QKI: variants seen among roughly 807,000 people sequenced by gnomAD.
The protein encoded by QKI is KH domain-containing RNA-binding protein QKI.
Under a neutral mutation model 39.0 loss-of-function variants are expected in QKI, and 10 were observed. That is an observed-to-expected ratio of 0.26 (90% CI 0.16 to 0.43). The LOEUF is 0.43. QKI is among the 20% of genes least tolerant of loss of function. QKI has a pLI of 1.00. For missense variants in QKI, 218 were observed against 428.0 expected (o/e 0.51, Z 4.33); for synonymous variants, 204 against 155.4 (o/e 1.31, Z -2.33).
chr6:163,539,489 C>T (rs1781387846), intron 4 of QKI, among the ~76,000 whole-genome samples: 1 of 152,070 alleles, frequency 6.6e-6, no homozygotes, highest in Admixed American at 6.6e-5. Flanking sequence ...CTGCAGTGAT[C>T]GTGTCTTCCA....
At chr6:163,570,658 TTTTTG>T (rs1783651508) in intron 7 of QKI, 31 bp from the exon 8 acceptor site, 3 of 1,606,096 alleles carry the variant, frequency 1.9e-6, no homozygotes, top group South Asian at 2.2e-5. Flanking sequence ...TCTTTTCTTT[TTTTTG>T]TTTTGTTTTT....
intron 2 of QKI, among the ~76,000 whole-genome samples, chr6:163,467,512 T>G (rs1413778325): frequency 6.6e-6 from 1 of 152,250 alleles, no homozygotes; most frequent in Non-Finnish European, 1.5e-5. Context: ...ATTTTTGTTT[T>G]GTTTTTACAT....
Position 163,563,720 on chromosome 6 carries a change from G to T in QKI, c.934+1G>T. The T allele has an allele frequency of 6.2e-7, 1 of 1,611,580 alleles. No homozygotes were observed. Among genetic ancestry groups the T allele is most frequent in the Non-Finnish European group, 8.5e-7 (1 of 1,178,264 alleles). On this transcript the variant is annotated splice_donor_variant, in intron 6 of 7. Transcript: ENST00000361752. LOFTEE classifies it high-confidence loss of function. ...CCTATTGAACCTAGTGGTGTATTAG[G>T]TAAGTTCTTCTCCCCATGGGGTTAA...
intron 3 of QKI, among the ~76,000 whole-genome samples, chr6:163,508,798 G>A (rs1452068294): frequency 1.3e-5 from 2 of 151,842 alleles, no homozygotes; most frequent in Non-Finnish European, 2.9e-5. Flanking sequence ...CAGAGTGCTA[G>A]GATTACAGGC....
intron 1 of QKI, among the ~76,000 whole-genome samples, chr6:163,440,318 A>G (rs1427640816): frequency 6.6e-6 from 1 of 152,118 alleles, no homozygotes; most frequent in Non-Finnish European, 1.5e-5. Flanking sequence ...TTTCATCTTT[A>G]TGTGGTCTTT....
At chr6:163,555,063 A>T (rs6927417) in intron 4 of QKI, among the ~76,000 whole-genome samples, 127,856 of 152,252 alleles carry the variant, frequency 0.84, 54,276 homozygotes, top group East Asian at 1. Flanking sequence ...GTGGTCACTC[A>T]TCATTTTTTC....
intron 6 of QKI, 53 bp from the exon 7 acceptor site, chr6:163,566,668 T>C (rs1231835958): frequency 1.9e-6 from 3 of 1,599,868 alleles, no homozygotes; most frequent in African/African-American, 1.3e-5. Flanking sequence ...TAATGTTTTT[T>C]CCCCCCTTGT....
chr6:163,564,640 G>T (rs908922484), intron 6 of QKI: 27 of 1,613,908 alleles, frequency 1.7e-5, no homozygotes, highest in Non-Finnish European at 2.3e-5. Context: ...GCTCGAAAAA[G>T]ACATTACTGA....
chr6:163,495,260 G>A lies in QKI; in HGVS notation c.402+16364G>A, dbSNP rs138519598. On this transcript the variant is annotated intron_variant, in intron 3 of 7. Coordinates refer to ENST00000361752, the MANE Select transcript of QKI (RefSeq NM_006775.3). Reference sequence around the variant, plus strand: ...AGAAACACATATAAAACTGAATTATGTATTGATGGTTGATGAAAATGTGAC... The same window carrying A: ...AGAAACACATATAAAACTGAATTATATATTGATGGTTGATGAAAATGTGAC... 2.3e-3 allele frequency among the ~76,000 whole-genome samples: 355 copies of A among 152,248 alleles called. 5 individuals are homozygous for A. Among genetic ancestry groups the A allele is most frequent in the African/African-American group, 8.2e-3 (340 of 41,532 alleles).
intron 2 of QKI, among the ~76,000 whole-genome samples, chr6:163,464,738 G>A (rs542930314): frequency 2.0e-5 from 3 of 152,182 alleles, no homozygotes; most frequent in South Asian, 4.1e-4. Context: ...ACAGCTTCAC[G>A]GGCAAATTCC....
intron 6 of QKI, chr6:163,563,934 G>T: frequency 7.2e-7 from 1 of 1,398,416 alleles, no homozygotes; most frequent in Non-Finnish European, 9.2e-7. Flanking sequence ...TGGTAACTGA[G>T]GTTCAGTTTG....
chr6:163,508,596 C>T (rs548671417), intron 3 of QKI, among the ~76,000 whole-genome samples: 74 of 148,006 alleles, frequency 5.0e-4, no homozygotes, highest in South Asian at 6.4e-4. Flanking sequence ...GTGGTGCAAT[C>T]TTGGCTTACT....
intron 1 of QKI, chr6:163,416,331 A>G (rs888686801): frequency 6.2e-6 from 1 of 162,416 alleles, no homozygotes; most frequent in Non-Finnish European, 1.4e-5. Flanking sequence ...TGAAGTATTA[A>G]TTTCTAGTAG....
At chr6:163,490,574 A>G (rs1053560439) in intron 3 of QKI, among the ~76,000 whole-genome samples, 3 of 152,092 alleles carry the variant, frequency 2.0e-5, no homozygotes, top group African/African-American at 4.8e-5. Context: ...TGCTATGTGG[A>G]TGCTTGGTGT....
At chr6:163,436,839 T>C (rs1789333267) in intron 1 of QKI, among the ~76,000 whole-genome samples, 1 of 151,870 alleles carries the variant, frequency 6.6e-6, no homozygotes, top group Non-Finnish European at 1.5e-5. Flanking sequence ...AAGTATTCCT[T>C]TTCTTGCTAA....
intron 1 of QKI, among the ~76,000 whole-genome samples, chr6:163,437,460 T>C (rs1789400169): frequency 6.6e-6 from 1 of 152,194 alleles, no homozygotes; most frequent in Non-Finnish European, 1.5e-5. Flanking sequence ...GATTTACTTT[T>C]TAAAAAGAGT....
chr6:163,524,570 G>A (rs1358183547), intron 3 of QKI, among the ~76,000 whole-genome samples: 2 of 152,046 alleles, frequency 1.3e-5, no homozygotes, highest in African/African-American at 4.8e-5. Flanking sequence ...CGAGGTTCAA[G>A]CGATTCTCCT....
At chr6:163,563,352 C>A in intron 5 of QKI, 68 bp from the exon 6 acceptor site, 1 of 1,363,458 alleles carries the variant, frequency 7.3e-7, no homozygotes, top group Non-Finnish European at 1.0e-6. Flanking sequence ...TTCCTACTCC[C>A]TTCTCATTTT....
At chr6:163,496,886 C>G (rs1208354742) in intron 3 of QKI, among the ~76,000 whole-genome samples, 1 of 152,166 alleles carries the variant, frequency 6.6e-6, no homozygotes, top group Admixed American at 6.5e-5. Flanking sequence ...CCCTTTTGCT[C>G]TCTTGTATTT....
Sources: allele counts gnomAD v4.1 joint callset (sites outside exome capture counted in the v4.1 genomes callset), GRCh38; gene constraint gnomAD v4.1.1; transcripts MANE v1.5; gene names NCBI Gene and HGNC (gene_info 2026-07-23, HGNC 2026-07-21).